CALD1: variants seen among roughly 807,000 people sequenced by gnomAD.
CALD1 encodes the protein caldesmon.
Under a neutral mutation model 99.9 loss-of-function variants are expected in CALD1, and 33 were observed. The observed-to-expected ratio is 0.33, with a 90% CI of 0.25 to 0.44. CALD1 has a LOEUF of 0.44. Among genes scored for constraint, CALD1 ranks in the 20% least tolerant of loss-of-function variants. CALD1 has a pLI of 1.00. For missense variants in CALD1, 861 were observed against 962.1 expected (o/e 0.89, Z 1.39); for synonymous variants, 310 against 325.0 (o/e 0.95, Z 0.50).
chr7:134,912,210 C>A (rs953047888), intron 3 of CALD1, among the ~76,000 whole-genome samples: 1 of 152,156 alleles, frequency 6.6e-6, no homozygotes, highest in Non-Finnish European at 1.5e-5. Flanking sequence ...AAAAATAGTG[C>A]CCTGGAAAAA....
At chr7:134,726,450 T>TAA in the CALD1 span, among the ~76,000 whole-genome samples, 30 of 137,182 alleles carry the variant, frequency 2.2e-4, 1 homozygote, top group Non-Finnish European at 3.0e-4. Flanking sequence ...TTTATATATA[T>TAA]AATATATATT....
At chr7:134,890,757 G>A (rs556412003) in intron 3 of CALD1, among the ~76,000 whole-genome samples, 1 of 152,334 alleles carries the variant, frequency 6.6e-6, no homozygotes, top group African/African-American at 2.4e-5. Context: ...CACTGGCAGA[G>A]TACCATGGGT....
At chr7:134,749,542 C>T (rs1482756892) in intron 1 of CALD1, among the ~76,000 whole-genome samples, 1 of 152,102 alleles carries the variant, frequency 6.6e-6, no homozygotes, top group Non-Finnish European at 1.5e-5. Flanking sequence ...TCGCTTGAAC[C>T]CAGGAAGTTG....
At chr7:134,799,799 G>T (rs1797878368) in intron 1 of CALD1, among the ~76,000 whole-genome samples, 1 of 152,144 alleles carries the variant, frequency 6.6e-6, no homozygotes. Flanking sequence ...AATCAGGCAA[G>T]GTTGTTCCCC....
rs1230003690 is a variant in CALD1 at position 134,891,783 on chromosome 7, G to A, written c.71+23979G>A. The A allele has an allele frequency of 7.4e-6, 6 of 812,992 alleles. No individual in the cohort carries two copies. The Admixed American group carries it at 1.1e-4, about 16-fold the overall frequency. The allele number at this position is 812,992 out of a possible 1,614,324, so 50.4% of individuals were successfully genotyped here. ...AAAAAAAAAAATGTGGGAGTGGGAGGGGAGAGGAGGAGACACCAGGCAGGA... is the reference window on the plus strand; with the variant it reads ...AAAAAAAAAAATGTGGGAGTGGGAGAGGAGAGGAGGAGACACCAGGCAGGA... On this transcript the variant is annotated intron_variant, in intron 3 of 14. Transcript: ENST00000361675.
chr7:134,773,640 A>T (rs1378050396), intron 1 of CALD1, among the ~76,000 whole-genome samples: 2 of 152,040 alleles, frequency 1.3e-5, no homozygotes, highest in Admixed American at 1.3e-4. Context: ...TTCATACACA[A>T]GCGTTCTTTT....
At chr7:134,905,922 CTTTTTTTT>C (rs5887716) in intron 3 of CALD1, among the ~76,000 whole-genome samples, 1 of 94,776 alleles carries the variant, frequency 1.1e-5, no homozygotes, top group East Asian at 3.5e-4. Context: ...CTCTCTATAT[CTTTTTTTT>C]TTTTTTTTTT....
intron 1 of CALD1, among the ~76,000 whole-genome samples, chr7:134,818,797 G>A (rs926333141): frequency 6.6e-6 from 1 of 152,140 alleles, no homozygotes; most frequent in Non-Finnish European, 1.5e-5. Flanking sequence ...GCCGAGCTCC[G>A]AGAGGCAGCT....
the CALD1 span, among the ~76,000 whole-genome samples, chr7:134,726,662 CACCAGTTGTATT>C: frequency 6.6e-6 from 1 of 151,870 alleles, no homozygotes; most frequent in South Asian, 2.1e-4. Context: ...AAATTTGTAT[CACCAGTTGTATT>C]AGTCAGGGCT....
At chr7:134,944,736 T>C (rs1235206038) in intron 7 of CALD1, among the ~76,000 whole-genome samples, 2 of 152,134 alleles carry the variant, frequency 1.3e-5, no homozygotes, top group East Asian at 3.8e-4. Context: ...AGAATGACCT[T>C]ACTACTTGCT....
intron 2 of CALD1, among the ~76,000 whole-genome samples, chr7:134,858,067 G>C (rs1800394334): frequency 8.3e-6 from 1 of 120,734 alleles, no homozygotes. Flanking sequence ...AGGCACATGA[G>C]TTGCTGACTT....
At chr7:134,770,761 G>A (rs1353488181) in intron 1 of CALD1, among the ~76,000 whole-genome samples, 2 of 152,120 alleles carry the variant, frequency 1.3e-5, no homozygotes, top group Non-Finnish European at 2.9e-5. Flanking sequence ...CCCACTGCAT[G>A]GGGGAATGCT....
At chr7:134,756,409 T>C (rs1245773165) in intron 1 of CALD1, among the ~76,000 whole-genome samples, 1 of 152,026 alleles carries the variant, frequency 6.6e-6, no homozygotes, top group Non-Finnish European at 1.5e-5. Context: ...TCTGTTCTTA[T>C]GATTAAAATT....
At chr7:134,804,095 G>A (rs1020874797) in intron 1 of CALD1, among the ~76,000 whole-genome samples, 5 of 152,158 alleles carry the variant, frequency 3.3e-5, no homozygotes, top group Non-Finnish European at 5.9e-5. Flanking sequence ...CTTCATTAAT[G>A]TTAGACATTG....
intron 13 of CALD1, among the ~76,000 whole-genome samples, chr7:134,962,614 A>G (rs1169582020): frequency 6.6e-6 from 1 of 152,186 alleles, no homozygotes; most frequent in East Asian, 1.9e-4. Flanking sequence ...TAAATACACC[A>G]GATTGCTACT....
intron 1 of CALD1, among the ~76,000 whole-genome samples, chr7:134,782,742 C>A (rs1797156107): frequency 6.6e-6 from 1 of 152,164 alleles, no homozygotes; most frequent in Non-Finnish European, 1.5e-5. Flanking sequence ...CATTTGAGTC[C>A]TCTGGACATT....
rs561830908 is a variant in CALD1, at chr7:134,950,517, AT to A, written c.1935+10del. On this transcript the variant is annotated splice_donor_region_variant and intron_variant, in intron 9 of 14. Coordinates refer to ENST00000361675, the MANE Select transcript of CALD1 (RefSeq NM_033138.4). ...CTCCTAAAGGTTCATCTCTCAAGGT[AT>A]TTTTTTCCCCAGAAAACTTCTATTA... 151 of 1,612,388 alleles carry A rather than the reference AT, an allele frequency of 9.4e-5. No homozygotes were observed. The African/African-American group carries it at 1.7e-3, about 18-fold the overall frequency.
intron 3 of CALD1, among the ~76,000 whole-genome samples, chr7:134,879,509 C>T (rs1199796963): frequency 6.6e-6 from 1 of 152,186 alleles, no homozygotes; most frequent in East Asian, 1.9e-4. Flanking sequence ...CTTTGGTTAA[C>T]ATGTTAAATA....
chr7:134,932,283 G>A (rs1805579919), intron 4 of CALD1, among the ~76,000 whole-genome samples: 1 of 152,148 alleles, frequency 6.6e-6, no homozygotes, highest in Admixed American at 6.5e-5. Flanking sequence ...TGGGGTCACT[G>A]GCGTGAGTGT....
Sources: allele counts gnomAD v4.1 joint callset (sites outside exome capture counted in the v4.1 genomes callset), GRCh38; gene constraint gnomAD v4.1.1; transcripts MANE v1.5; gene names NCBI Gene and HGNC (gene_info 2026-07-23, HGNC 2026-07-21).